Variants in GRID2 observed in about 807,000 individuals in gnomAD.
GRID2 encodes glutamate ionotropic receptor delta type subunit 2, also known as glutamate receptor ionotropic, delta-2.
GRID2 carries 33 observed loss-of-function variants against 114.8 expected under a neutral mutation model. The observed-to-expected ratio is 0.29, with a 90% CI of 0.22 to 0.38. The LOEUF (loss-of-function observed/expected upper bound fraction) is 0.38, where lower values mean the gene tolerates loss of function less well. GRID2 is among the 10% of genes least tolerant of loss of function. The probability of loss-of-function intolerance (pLI) is 1.00; values close to 1 mark genes in which losing one functional copy is unlikely to be tolerated. For synonymous variants in GRID2, 505 were observed against 449.9 expected, an observed-to-expected ratio of 1.12 and a Z score of -1.55; for missense variants, 1,184 against 1,257.7, an observed-to-expected ratio of 0.94 and a Z score of 0.89.
rs953832425 is a variant in GRID2 at position 92,794,886 on chromosome 4, A to G, written c.244+204600A>G. Among the ~76,000 whole-genome samples the G allele has an allele frequency of 1.0e-3, 138 of 135,160 alleles. 2 individuals carry two copies. The highest frequency in any genetic ancestry group is 3.6e-3 in the African/African-American group (131 of 36,308). The allele number at this position is 135,160 out of a possible 152,430, so 88.7% of individuals were successfully genotyped here. On this transcript the variant is annotated intron_variant, in intron 2 of 15. Transcript: ENST00000282020. Reference sequence around the variant, plus strand: ...ATAAATAATTGTTTTATATATATATATATATATATATATATATATACACAC... The same window carrying G: ...ATAAATAATTGTTTTATATATATATGTATATATATATATATATATACACAC...
chr4:92,876,547 C>T (rs1235257325), intron 2 of GRID2, among the ~76,000 whole-genome samples: 3 of 152,092 alleles, frequency 2.0e-5, no homozygotes, highest in African/African-American at 2.4e-5. Flanking sequence ...CTTGTGGAGA[C>T]GCCCACCTCG....
chr4:92,931,788 A>T (rs1750259906), intron 2 of GRID2, among the ~76,000 whole-genome samples: 1 of 151,224 alleles, frequency 6.6e-6, no homozygotes, highest in Admixed American at 6.6e-5. Flanking sequence ...ATATTTCAGC[A>T]AAACATAATG....
chr4:93,567,491 T>A (rs939397975), intron 13 of GRID2, among the ~76,000 whole-genome samples: 5 of 152,222 alleles, frequency 3.3e-5, no homozygotes, highest in African/African-American at 1.2e-4. Flanking sequence ...AATAAAATGT[T>A]AACTGGTCTT....
intron 1 of GRID2, among the ~76,000 whole-genome samples, chr4:92,469,636 T>A (rs574705929): frequency 2.4e-4 from 37 of 152,092 alleles, no homozygotes; most frequent in African/African-American, 7.9e-4. Context: ...GAAGGCCGAT[T>A]GTAACCGATA....
At chr4:93,772,032 G>C in intron 15 of GRID2, 44 bp from the exon 16 acceptor site, 1 of 1,175,584 alleles carries the variant, frequency 8.5e-7, no homozygotes, top group Non-Finnish European at 1.2e-6. Flanking sequence ...AACCATCAAA[G>C]CTAGTACTGA....
At chr4:92,436,232 A>G (rs1579355105) in intron 1 of GRID2, among the ~76,000 whole-genome samples, 2 of 152,280 alleles carry the variant, frequency 1.3e-5, no homozygotes, top group East Asian at 3.9e-4. Context: ...ATTATTTAAA[A>G]CACCTTTTGT....
intron 2 of GRID2, among the ~76,000 whole-genome samples, chr4:92,825,092 C>A (rs1741592503): frequency 6.6e-6 from 1 of 152,028 alleles, no homozygotes; most frequent in Non-Finnish European, 1.5e-5. Flanking sequence ...AGAAATATTT[C>A]CATGACAGAC....
At chr4:93,415,254 T>A (rs1309305522) in intron 9 of GRID2, among the ~76,000 whole-genome samples, 2 of 152,088 alleles carry the variant, frequency 1.3e-5, no homozygotes, top group African/African-American at 2.4e-5. Flanking sequence ...TCTTGATAGC[T>A]TTCTTTAAGA....
At chr4:93,414,985 T>C (rs1301007585) in intron 9 of GRID2, among the ~76,000 whole-genome samples, 6 of 152,148 alleles carry the variant, frequency 3.9e-5, no homozygotes, top group Non-Finnish European at 1.5e-5. Context: ...AATATTTAAT[T>C]AGCTTTAGTT....
intron 4 of GRID2, among the ~76,000 whole-genome samples, chr4:93,204,895 A>C (rs1441124969): frequency 2.0e-5 from 3 of 152,194 alleles, no homozygotes; most frequent in Non-Finnish European, 4.4e-5. Flanking sequence ...AAATAGAATC[A>C]CTGTACTACT....
chr4:92,796,798 T>A (rs992038321), intron 2 of GRID2, among the ~76,000 whole-genome samples: 1 of 151,886 alleles, frequency 6.6e-6, no homozygotes, highest in Non-Finnish European at 1.5e-5. Flanking sequence ...GATTAAATTC[T>A]AGAACTTTAG....
At chr4:93,604,416 C>A (rs1451908880) in intron 13 of GRID2, among the ~76,000 whole-genome samples, 3 of 152,112 alleles carry the variant, frequency 2.0e-5, no homozygotes, top group Admixed American at 6.6e-5. Flanking sequence ...GGAGTCACTT[C>A]TTATGGAAGA....
intron 1 of GRID2, among the ~76,000 whole-genome samples, chr4:92,454,192 A>G (rs1242357391): frequency 6.6e-6 from 1 of 152,172 alleles, no homozygotes; most frequent in Non-Finnish European, 1.5e-5. Context: ...TCTTTCCCAC[A>G]TTAAAACAAT....
At chr4:92,538,946 G>A (rs908735953) in intron 1 of GRID2, among the ~76,000 whole-genome samples, 4 of 151,676 alleles carry the variant, frequency 2.6e-5, no homozygotes, top group Non-Finnish European at 5.9e-5. Context: ...GGAGGCTGAG[G>A]AAGGAGAATG....
At chr4:93,213,393 CTT>C (rs563696287) in intron 5 of GRID2, among the ~76,000 whole-genome samples, 78 of 152,132 alleles carry the variant, frequency 5.1e-4, no homozygotes, top group African/African-American at 1.8e-3. Context: ...ATACTAAAAT[CTT>C]CTTTATTTAG....
chr4:93,614,652 A>C (rs1741404640), intron 13 of GRID2, among the ~76,000 whole-genome samples: 1 of 152,182 alleles, frequency 6.6e-6, no homozygotes, highest in African/African-American at 2.4e-5. Context: ...AGTAGTACTA[A>C]TTAAATAATA....
At chr4:92,736,800 G>C (rs571108435) in intron 2 of GRID2, among the ~76,000 whole-genome samples, 1 of 152,154 alleles carries the variant, frequency 6.6e-6, no homozygotes, top group East Asian at 1.9e-4. Flanking sequence ...CTCTTACAAA[G>C]AGAGTAAAGT....
At chr4:93,238,621 G>C in intron 8 of GRID2, 131 bp downstream of exon 8, 2 of 583,500 alleles carry the variant, frequency 3.4e-6, no homozygotes, top group Non-Finnish European at 2.9e-6. Context: ...AGGGGGTGAG[G>C]GGAAATTAGG....
In GRID2 at chr4:92,342,791, C is replaced by T. The variant is rs114134182; in HGVS notation, c.88+38047C>T. Among the ~76,000 whole-genome samples, 882 of 152,206 alleles carry T rather than the reference C, an allele frequency of 5.8e-3. 2 individuals carry two copies. Among genetic ancestry groups the T allele is most frequent in the African/African-American group, 0.021 (853 of 41,542 alleles). ...CATTGATAGATGTCTTAATAAACTTCAAAACTGGCAGCTGCTTCCCAATAT... is the reference window on the plus strand; with the variant it reads ...CATTGATAGATGTCTTAATAAACTTTAAAACTGGCAGCTGCTTCCCAATAT... On this transcript the variant is annotated intron_variant, in intron 1 of 15. Transcript: ENST00000282020.
Sources: gnomAD v4.1 joint callset for allele counts (sites outside exome capture counted in the v4.1 genomes callset) on GRCh38, gnomAD v4.1.1 for gene constraint, MANE v1.5 for transcripts, NCBI Gene and HGNC (gene_info 2026-07-23, HGNC 2026-07-21) for gene names.